ZNG1B: variants seen among roughly 807,000 people sequenced by gnomAD.
ZNG1B encodes the protein zinc-regulated GTPase metalloprotein activator 1B.
the ZNG1B span, among the ~76,000 whole-genome samples, chr2:113,490,570 A>T: frequency 6.6e-6 from 1 of 152,212 alleles, no homozygotes. Context: ...AGATAAATAA[A>T]ATTGATAGAC....
the ZNG1B span, among the ~76,000 whole-genome samples, chr2:113,484,024 G>T: frequency 7.3e-6 from 1 of 136,630 alleles, no homozygotes; most frequent in Non-Finnish European, 1.5e-5. Context: ...GTGGATCTGG[G>T]GTGTAAGGGA....
the ZNG1B span, chr2:113,469,471 T>C: frequency 7.0e-6 from 1 of 142,428 alleles, no homozygotes; most frequent in Non-Finnish European, 1.5e-5. Context: ...GGGGGAGGGG[T>C]GGGGGGTGAA....
the ZNG1B span, chr2:113,444,215 A>G: frequency 5.2e-6 from 2 of 381,060 alleles, no homozygotes; most frequent in South Asian, 2.8e-5. Flanking sequence ...ATAAATGACT[A>G]TCAAAAAAGA....
chr2:113,446,772 G>GCACACA, the ZNG1B span, among the ~76,000 whole-genome samples: 6 of 143,268 alleles, frequency 4.2e-5, no homozygotes, highest in South Asian at 2.3e-4. Flanking sequence ...ACATGCACAC[G>GCACACA]CACACACACA....
the ZNG1B span, among the ~76,000 whole-genome samples, chr2:113,490,680 T>C: frequency 6.6e-6 from 1 of 152,066 alleles, no homozygotes; most frequent in Admixed American, 6.6e-5. Context: ...ATACAAAAGA[T>C]ATTCAAGGCT....
At chr2:113,440,983 T>A in the ZNG1B span, among the ~76,000 whole-genome samples, 25 of 147,266 alleles carry the variant, frequency 1.7e-4, no homozygotes, top group South Asian at 8.8e-4. Flanking sequence ...AAAACTTTTA[T>A]AGATTGTTTA....
the ZNG1B span, among the ~76,000 whole-genome samples, chr2:113,471,905 C>T: frequency 1.3e-5 from 2 of 150,448 alleles, no homozygotes; most frequent in African/African-American, 4.9e-5. Flanking sequence ...GGGTTGGTTC[C>T]AAGTCTTTGC....
the ZNG1B span, among the ~76,000 whole-genome samples, chr2:113,446,779 C>CACACACACACACATTCAT: frequency 6.6e-5 from 7 of 106,598 alleles, no homozygotes; most frequent in Non-Finnish European, 1.3e-4. Flanking sequence ...CACGCACACA[C>CACACACACACACATTCAT]ACACACACAC....
chr2:113,439,061 T>C, the ZNG1B span: 26 of 1,541,460 alleles, frequency 1.7e-5, no homozygotes, highest in East Asian at 5.6e-4. Flanking sequence ...ACAAATTTCT[T>C]GTCCAAAACA....
chr2:113,494,574 T>C, the ZNG1B span: 5 of 930,848 alleles, frequency 5.4e-6, 1 homozygote, highest in African/African-American at 9.3e-5. Flanking sequence ...TTCATCCCCA[T>C]AGGAGCCAGT....
the ZNG1B span, among the ~76,000 whole-genome samples, chr2:113,491,248 ACTATAAGGC>A: frequency 3.4e-4 from 29 of 86,026 alleles, no homozygotes; most frequent in African/African-American, 1.3e-3. Flanking sequence ...TCAAACTTAT[ACTATAAGGC>A]CATAGTCACC....
At chr2:113,439,567 C>G in the ZNG1B span, among the ~76,000 whole-genome samples, 1 of 152,192 alleles carries the variant, frequency 6.6e-6, no homozygotes, top group Non-Finnish European at 1.5e-5. Context: ...CTGCGTCACA[C>G]CTTTCAGTGG....
At chr2:113,453,168 G>A in the ZNG1B span, 72 of 1,592,970 alleles carry the variant, frequency 4.5e-5, no homozygotes, top group Admixed American at 1.8e-4. Context: ...TTGGGTTGAT[G>A]CTGAATTAGG....
chr2:113,457,259 A>T, the ZNG1B span: 5 of 391,846 alleles, frequency 1.3e-5, no homozygotes, highest in Admixed American at 6.4e-5. Context: ...ATCTGTTGAA[A>T]CAATTCAGTC....
the ZNG1B span, chr2:113,469,230 G>A: frequency 6.6e-6 from 1 of 151,954 alleles, no homozygotes; most frequent in African/African-American, 2.4e-5. Context: ...TGAAACCTCT[G>A]CCTCCTGGGT....
At chr2:113,456,965 A>G in the ZNG1B span, 1 of 453,162 alleles carries the variant, frequency 2.2e-6, no homozygotes, top group Non-Finnish European at 4.4e-6. Context: ...CCCTGTGGCC[A>G]GCCAGCCAAA....
At chr2:113,487,675 C>T in the ZNG1B span, among the ~76,000 whole-genome samples, 1 of 150,794 alleles carries the variant, frequency 6.6e-6, no homozygotes, top group Non-Finnish European at 1.5e-5. Context: ...GTAATGTCCT[C>T]AAGATTCATC....
the ZNG1B span, chr2:113,441,803 A>C: frequency 3.0e-5 from 6 of 196,990 alleles, no homozygotes; most frequent in African/African-American, 1.2e-4. Flanking sequence ...GCAGTGGTGC[A>C]ATCTCAGCTC....
At chr2:113,462,079 A>T in the ZNG1B span, among the ~76,000 whole-genome samples, 1 of 152,178 alleles carries the variant, frequency 6.6e-6, no homozygotes, top group Non-Finnish European at 1.5e-5. Context: ...TGAGTTTAAA[A>T]TCATCCTTTT....
Sources: allele counts gnomAD v4.1 joint callset (sites outside exome capture counted in the v4.1 genomes callset), GRCh38; gene constraint gnomAD v4.1.1; transcripts MANE v1.5; gene names NCBI Gene and HGNC (gene_info 2026-07-23, HGNC 2026-07-21).